EYS: variants seen among roughly 807,000 people sequenced by gnomAD.
The protein encoded by EYS is protein eyes shut homolog.
EYS carries 250 observed loss-of-function variants against 282.1 expected under a neutral mutation model. The ratio of observed to expected loss-of-function variants is 0.89; its 90% CI spans 0.80 to 0.98. EYS has a LOEUF of 0.98. Among genes scored for constraint, EYS ranks in the 50% least tolerant of loss-of-function variants. EYS has a pLI of 0.00. For synonymous variants in EYS, 1,355 were observed against 1,282.9 expected, an observed-to-expected ratio of 1.06 and a Z score of -1.20; for missense variants, 4,016 against 3,709.0, an observed-to-expected ratio of 1.08 and a Z score of -2.15.
At chr6:64,233,650 A>C (rs1766498715) in intron 30 of EYS, among the ~76,000 whole-genome samples, 1 of 152,220 alleles carries the variant, frequency 6.6e-6, no homozygotes, top group East Asian at 1.9e-4. Context: ...ATCGTTTCTT[A>C]GGTAACTTTG....
chr6:63,903,226 T>G (rs993856212), intron 35 of EYS, among the ~76,000 whole-genome samples: 2 of 151,634 alleles, frequency 1.3e-5, no homozygotes, highest in African/African-American at 4.9e-5. Flanking sequence ...AAGCTGGGAG[T>G]GGAATCTGAG....
chr6:65,148,381 T>C (rs1021828778), intron 12 of EYS, among the ~76,000 whole-genome samples: 2 of 152,072 alleles, frequency 1.3e-5, no homozygotes, highest in African/African-American at 2.4e-5. Context: ...TGAAATCCAA[T>C]AGAACAGACA....
intron 5 of EYS, among the ~76,000 whole-genome samples, chr6:65,478,008 ATATTCTCC>A (rs1765471501): frequency 6.6e-6 from 1 of 152,074 alleles, no homozygotes; most frequent in Non-Finnish European, 1.5e-5. Flanking sequence ...CCCACATCTC[ATATTCTCC>A]TGATTATCAA....
intron 40 of EYS, among the ~76,000 whole-genome samples, chr6:63,775,077 G>C (rs927321375): frequency 6.6e-6 from 1 of 152,050 alleles, no homozygotes; most frequent in Non-Finnish European, 1.5e-5. Context: ...CTCATCCCAG[G>C]AGCATAAAGG....
chr6:64,192,253 C>T (rs201190972), intron 31 of EYS, among the ~76,000 whole-genome samples: 2,403 of 151,540 alleles, frequency 0.016, 22 homozygotes, highest in East Asian at 0.035. Context: ...GAGTAGGTTG[C>T]GAAAATTTTC....
intron 2 of EYS, among the ~76,000 whole-genome samples, chr6:65,569,748 C>T (rs1050618065): frequency 1.3e-5 from 2 of 152,072 alleles, no homozygotes; most frequent in East Asian, 3.9e-4. Flanking sequence ...ATCTCCAACC[C>T]GACCAATCAG....
intron 15 of EYS, among the ~76,000 whole-genome samples, chr6:64,927,564 C>G (rs1768558161): frequency 1.3e-5 from 2 of 152,160 alleles, no homozygotes; most frequent in South Asian, 4.1e-4. Context: ...CTGAACAACC[C>G]TTTCATCACT....
chr6:64,893,013 T>C (rs1419305129), intron 18 of EYS, among the ~76,000 whole-genome samples: 1 of 152,066 alleles, frequency 6.6e-6, no homozygotes, highest in Non-Finnish European at 1.5e-5. Flanking sequence ...CATTTTCTTC[T>C]ATTTTTTCTT....
intron 35 of EYS, among the ~76,000 whole-genome samples, chr6:63,869,423 G>A (rs1255950203): frequency 6.6e-6 from 1 of 151,942 alleles, no homozygotes; most frequent in East Asian, 1.9e-4. Flanking sequence ...AAACTTCATT[G>A]GTAAAGAAAA....
intron 1 of EYS, among the ~76,000 whole-genome samples, chr6:65,643,290 C>T (rs140324919): frequency 1.2e-4 from 19 of 152,242 alleles, no homozygotes; most frequent in African/African-American, 3.6e-4. Flanking sequence ...GTGACCTGTA[C>T]GACTCAGCAG....
At chr6:64,198,016 G>A (rs1032473578) in intron 31 of EYS, among the ~76,000 whole-genome samples, 4 of 149,458 alleles carry the variant, frequency 2.7e-5, no homozygotes, top group South Asian at 4.2e-4. Flanking sequence ...TTTTTGAGAC[G>A]GAGTCTCGCT....
chr6:64,577,781 G>T (rs1006473208), intron 26 of EYS, among the ~76,000 whole-genome samples: 1 of 151,978 alleles, frequency 6.6e-6, no homozygotes, highest in African/African-American at 2.4e-5. Flanking sequence ...TCAGAGTTTC[G>T]CTTTATAATA....
intron 15 of EYS, among the ~76,000 whole-genome samples, chr6:64,930,870 A>T (rs1234760816): frequency 6.6e-6 from 1 of 152,154 alleles, no homozygotes; most frequent in African/African-American, 2.4e-5. Context: ...AGAGTGTGGC[A>T]TCTGGGTCCA....
chr6:64,803,382 G>T (rs186854498), intron 22 of EYS, among the ~76,000 whole-genome samples: 7 of 151,630 alleles, frequency 4.6e-5, no homozygotes, highest in African/African-American at 7.3e-5. Flanking sequence ...TGTGTGTGTG[G>T]GGGGGTTGGT....
intron 13 of EYS, among the ~76,000 whole-genome samples, chr6:65,015,858 C>A (rs1772028454): frequency 1.7e-5 from 2 of 115,504 alleles, no homozygotes; most frequent in Non-Finnish European, 3.4e-5. Context: ...CATGGTGAAA[C>A]CTCGTCTCTA....
intron 30 of EYS, among the ~76,000 whole-genome samples, chr6:64,298,102 A>C (rs1317179904): frequency 6.6e-6 from 1 of 152,214 alleles, no homozygotes; most frequent in African/African-American, 2.4e-5. Flanking sequence ...CTGCAGTGTG[A>C]AATGAAAGAC....
At chr6:64,535,088 C>T (rs941334982) in intron 26 of EYS, among the ~76,000 whole-genome samples, 3 of 152,106 alleles carry the variant, frequency 2.0e-5, no homozygotes, top group African/African-American at 7.2e-5. Flanking sequence ...TGCATCTGAC[C>T]TACTGATTAT....
chr6:64,953,369 TA>T (rs1308809807), intron 14 of EYS, among the ~76,000 whole-genome samples: 4 of 151,786 alleles, frequency 2.6e-5, no homozygotes, highest in Non-Finnish European at 5.9e-5. Flanking sequence ...TTTGCTTTAA[TA>T]AAAAAACTTT....
chr6:63,734,625 G>A (rs1333459056), intron 41 of EYS, among the ~76,000 whole-genome samples: 2 of 152,130 alleles, frequency 1.3e-5, no homozygotes, highest in Non-Finnish European at 2.9e-5. Flanking sequence ...AAGATCACAT[G>A]TGGGTAAGAA....
Sources: gnomAD v4.1 joint callset for allele counts (sites outside exome capture counted in the v4.1 genomes callset) on GRCh38, gnomAD v4.1.1 for gene constraint, MANE v1.5 for transcripts, NCBI Gene and HGNC (gene_info 2026-07-23, HGNC 2026-07-21) for gene names.